Variants in FAM222B observed in about 807,000 individuals in gnomAD.
FAM222B encodes protein FAM222B.
FAM222B carries 12 observed loss-of-function variants against 38.0 expected under a neutral mutation model. The ratio of observed to expected loss-of-function variants is 0.32; its 90% CI spans 0.20 to 0.51. FAM222B has a LOEUF of 0.51. FAM222B is among the 20% of genes least tolerant of loss of function. The pLI, the probability that FAM222B is intolerant of heterozygous loss-of-function variation, is 0.97. For synonymous variants in FAM222B, 329 were observed against 317.2 expected (o/e 1.04, Z -0.40); for missense variants, 716 against 754.2 (o/e 0.95, Z 0.59).
At chr17:28,789,273 A>G (rs2036562786) in intron 1 of FAM222B, among the ~76,000 whole-genome samples, 1 of 148,748 alleles carries the variant, frequency 6.7e-6, no homozygotes, top group South Asian at 2.1e-4. Context: ...ATCTCAGCTC[A>G]TTGCAACCTC....
At chr17:28,790,915 T>TTTTTTTTTTTTTTTTTTTTA (rs752443903) in intron 1 of FAM222B, among the ~76,000 whole-genome samples, 2 of 121,044 alleles carry the variant, frequency 1.7e-5, no homozygotes, top group African/African-American at 6.5e-5. Flanking sequence ...TTTTTTTTTT[T>TTTTTTTTTTTTTTTTTTTTA]AGAGACAGAA....
At chr17:28,782,530 G>A (rs1230600578) in intron 1 of FAM222B, among the ~76,000 whole-genome samples, 1 of 152,124 alleles carries the variant, frequency 6.6e-6, no homozygotes, top group African/African-American at 2.4e-5. Context: ...ACATTAGCAT[G>A]AGCCTCCTAA....
intron 2 of FAM222B, among the ~76,000 whole-genome samples, chr17:28,765,618 T>C (rs2035293775): frequency 6.6e-6 from 1 of 152,164 alleles, no homozygotes; most frequent in African/African-American, 2.4e-5. Context: ...ATACTATACA[T>C]GGTAATGTGC....
In FAM222B at chr17:28,790,896, T is replaced by A. The variant is rs1471670663; in HGVS notation, c.-40-24189A>T. On this transcript the variant is annotated intron_variant, in intron 1 of 2. Transcript: ENST00000581407. Reference sequence around the variant, plus strand: ...TCAAATTGTTTCACTTTTTTTTTTTTTTTTTTTTTTTTTTTTTTTAGAGAC... The same window carrying A: ...TCAAATTGTTTCACTTTTTTTTTTTATTTTTTTTTTTTTTTTTTTAGAGAC... 8.1e-3 allele frequency among the ~76,000 whole-genome samples: 826 copies of A among 102,072 alleles called. 50 individuals carry two copies. Among genetic ancestry groups the A allele is most frequent in the African/African-American group, 0.024 (700 of 29,446 alleles). The allele number at this position is 102,072 out of a possible 152,430, so 67.0% of individuals were successfully genotyped here. A position where few individuals can be genotyped will look rare whatever the true frequency, so the allele number is the denominator to read the frequency against.
chr17:28,766,709 T>C lies in FAM222B; in HGVS notation c.-40-2A>G. 2 of 1,489,190 alleles carry C rather than the reference T, an allele frequency of 1.3e-6. No homozygotes were observed. Among genetic ancestry groups the C allele is most frequent in the Non-Finnish European group, 9.2e-7 (1 of 1,083,618 alleles). The allele number at this position is 1,489,190 out of a possible 1,614,324, so 92.2% of individuals were successfully genotyped here. On this transcript the variant is annotated splice_acceptor_variant, in intron 1 of 2. Coordinates refer to ENST00000581407, the MANE Select transcript of FAM222B (RefSeq NM_001077498.3). LOFTEE classifies it low-confidence loss of function (5UTR_SPLICE). Reference sequence around the variant, plus strand: ...CACAACATGGGGCAGTGGCTCACACTGTAATGAACAAAAACAAGGTCATGA... The same window carrying C: ...CACAACATGGGGCAGTGGCTCACACCGTAATGAACAAAAACAAGGTCATGA...
intron 1 of FAM222B, among the ~76,000 whole-genome samples, chr17:28,794,038 G>A (rs942482276): frequency 5.9e-5 from 9 of 151,400 alleles, no homozygotes; most frequent in Admixed American, 3.3e-4. Flanking sequence ...CGTAAGCCAC[G>A]GCTCCCGGCT....
chr17:28,772,578 A>C (rs1197691260), intron 1 of FAM222B, among the ~76,000 whole-genome samples: 1 of 151,086 alleles, frequency 6.6e-6, no homozygotes, highest in African/African-American at 2.4e-5. Flanking sequence ...AAATACAAAA[A>C]AAAAAAAAAA....
intron 1 of FAM222B, among the ~76,000 whole-genome samples, chr17:28,798,978 T>G (rs985525807): frequency 1.1e-4 from 17 of 150,350 alleles, no homozygotes; most frequent in African/African-American, 3.9e-4. Context: ...TCCTGTTGTT[T>G]TTTTTTTCTT....
rs141942927 is a variant in FAM222B, at chr17:28,766,180, C to T, written c.82+406G>A. ...TTTAAGCAGACCCCTAATGGCTGGA[C>T]ACAGTGGCTCACACCTGTAATCCCA... On this transcript the variant is annotated intron_variant, in intron 2 of 2. Coordinates refer to ENST00000581407, the MANE Select transcript of FAM222B (RefSeq NM_001077498.3). 3.8e-3 allele frequency among the ~76,000 whole-genome samples: 578 copies of T among 152,216 alleles called. 3 individuals are homozygous for T. The highest frequency in any genetic ancestry group is 0.013 in the African/African-American group (549 of 41,536).
intron 1 of FAM222B, among the ~76,000 whole-genome samples, chr17:28,818,919 T>C (rs1220183874): frequency 2.0e-5 from 3 of 152,248 alleles, no homozygotes; most frequent in Non-Finnish European, 4.4e-5. Flanking sequence ...AATTCCCTTC[T>C]AGTGCCAAAG....
intron 1 of FAM222B, among the ~76,000 whole-genome samples, chr17:28,837,378 C>T (rs1460506063): frequency 6.7e-6 from 1 of 149,348 alleles, no homozygotes; most frequent in Non-Finnish European, 1.5e-5. Context: ...TGCAGTGAGC[C>T]GAGATCGAGC....
rs34984874 is a variant in FAM222B at position 28,757,376 on chromosome 17, A to AT, written c.*893dup. The stretch of plus-strand genomic sequence containing the variant: ...AGCCAGTGTAGAGAGAACCAAATGC[A>AT]TTTTTTTTTTTTTGGTGTTTTTAAT... On this transcript the variant is annotated 3_prime_UTR_variant, in exon 3 of 3. Transcript: ENST00000581407. 0.2 allele frequency: 29,399 copies of AT among 144,846 alleles called. 2,949 individuals carry two copies. The highest frequency in any genetic ancestry group is 0.31 in the South Asian group (1,419 of 4,580). The allele number at this position is 144,846 out of a possible 1,614,324, so 9.0% of individuals were successfully genotyped here.
intron 1 of FAM222B, among the ~76,000 whole-genome samples, chr17:28,820,917 G>A (rs1464177432): frequency 6.6e-6 from 1 of 151,612 alleles, no homozygotes; most frequent in East Asian, 1.9e-4. Context: ...TGGGATTACA[G>A]GAGTGAGCCA....
At position 28,758,996 on chromosome 17, in the gene FAM222B, T is replaced by C; in HGVS notation, c.963A>G (p.Ser321=). 6.2e-7 allele frequency: 1 copy of C among 1,612,700 alleles called. No homozygotes were observed. The highest frequency in any genetic ancestry group is 8.5e-7 in the Non-Finnish European group (1 of 1,179,418). Reference sequence around the variant, plus strand: ...TGTGCTCCATGGGATTGACCACACATGAAGGCATTGGTGTGGGGACGCTGT... The same window carrying C: ...TGTGCTCCATGGGATTGACCACACACGAAGGCATTGGTGTGGGGACGCTGT... ...STHSVPTPMP[S]CVVNPMEHTH... Residue 321 remains serine, a synonymous_variant, in exon 3 of 3, where the codon TCA becomes TCG. Coordinates refer to ENST00000581407, the MANE Select transcript of FAM222B (RefSeq NM_001077498.3).
intron 1 of FAM222B, among the ~76,000 whole-genome samples, chr17:28,767,725 C>G (rs1164168623): frequency 6.6e-6 from 1 of 152,168 alleles, no homozygotes; most frequent in Non-Finnish European, 1.5e-5. Context: ...GTCCGCCCGC[C>G]TCAGCTTCCC....
chr17:28,779,000 T>C (rs78702708), intron 1 of FAM222B, among the ~76,000 whole-genome samples: 205 of 151,844 alleles, frequency 1.4e-3, no homozygotes, highest in Middle Eastern at 0.01. Flanking sequence ...CTAAGCAGAG[T>C]TGTCAGACTG....
chr17:28,781,513 T>A (rs1324668164), intron 1 of FAM222B, among the ~76,000 whole-genome samples: 3 of 152,046 alleles, frequency 2.0e-5, no homozygotes, highest in African/African-American at 7.2e-5. Context: ...TACCATATGA[T>A]CCAGCAATCC....
At chr17:28,773,929 G>A (rs2035761287) in intron 1 of FAM222B, among the ~76,000 whole-genome samples, 1 of 152,166 alleles carries the variant, frequency 6.6e-6, no homozygotes, top group Non-Finnish European at 1.5e-5. Flanking sequence ...GGGTAGAAAA[G>A]GTACGGAATG....
intron 1 of FAM222B, chr17:28,849,476 G>GT: frequency 2.0e-5 from 3 of 152,468 alleles, no homozygotes; most frequent in Non-Finnish European, 4.4e-5. Flanking sequence ...GCTAATTTTG[G>GT]TACCACTTAA....
Sources: allele counts gnomAD v4.1 joint callset (sites outside exome capture counted in the v4.1 genomes callset), GRCh38; gene constraint gnomAD v4.1.1; transcripts MANE v1.5; gene names NCBI Gene and HGNC (gene_info 2026-07-23, HGNC 2026-07-21).